GRHL2: variants seen among roughly 807,000 people sequenced by gnomAD.
GRHL2 encodes grainyhead like transcription factor 2, also known as grainyhead-like protein 2 homolog.
GRHL2 carries 21 observed loss-of-function variants against 83.8 expected under a neutral mutation model. That is an observed-to-expected ratio of 0.25 (90% CI 0.18 to 0.36). The LOEUF is 0.36. Among genes scored for constraint, GRHL2 ranks in the 10% least tolerant of loss-of-function variants. GRHL2 has a pLI of 1.00. For missense variants in GRHL2, 623 were observed against 781.8 expected, an observed-to-expected ratio of 0.80 and a Z score of 2.42; for synonymous variants, 280 against 278.9, an observed-to-expected ratio of 1.00 and a Z score of -0.04.
chr8:101,536,518 T>G (rs1279509084), intron 1 of GRHL2, among the ~76,000 whole-genome samples: 3 of 152,226 alleles, frequency 2.0e-5, no homozygotes, highest in Admixed American at 2.0e-4. Context: ...GGGATACTTC[T>G]CCATTTTATA....
intron 1 of GRHL2, among the ~76,000 whole-genome samples, chr8:101,540,876 C>T (rs770514274): frequency 5.9e-4 from 89 of 151,624 alleles, no homozygotes; most frequent in African/African-American, 1.6e-3. Context: ...TTTTTGGTTA[C>T]GTGGATGCAT....
chr8:101,602,441 T>A (rs1053497798), intron 8 of GRHL2, among the ~76,000 whole-genome samples: 6 of 152,052 alleles, frequency 3.9e-5, no homozygotes, highest in South Asian at 2.1e-4. Context: ...CAGTATCACA[T>A]GATATTTTGG....
At chr8:101,673,913 C>A (rs1372844997), downstream of GRHL2, among the ~76,000 whole-genome samples, 3 of 152,138 alleles carry the variant, frequency 2.0e-5, no homozygotes, top group Non-Finnish European at 4.4e-5. Context: ...TCATTCAAAA[C>A]CGCTTGACTA....
At chr8:101,620,728 C>T (rs1664566330) in intron 9 of GRHL2, among the ~76,000 whole-genome samples, 1 of 152,096 alleles carries the variant, frequency 6.6e-6, no homozygotes, top group Admixed American at 6.6e-5. Context: ...AGGAAACCTA[C>T]AAAGTTTTCC....
chr8:101,574,304 C>T (rs569228138), intron 6 of GRHL2, among the ~76,000 whole-genome samples: 3 of 152,246 alleles, frequency 2.0e-5, no homozygotes, highest in Admixed American at 6.5e-5. Context: ...AGGCACGATC[C>T]CCACCAGGAG....
chr8:101,613,537 T>C (rs1812794920), intron 8 of GRHL2, among the ~76,000 whole-genome samples: 1 of 150,930 alleles, frequency 6.6e-6, no homozygotes, highest in African/African-American at 2.5e-5. Context: ...AAATAGATGG[T>C]TACCCAAAGC....
At chr8:101,516,341 A>T (rs2509768) in intron 1 of GRHL2, among the ~76,000 whole-genome samples, 3,270 of 151,240 alleles carry the variant, frequency 0.022, 42 homozygotes, top group Middle Eastern at 0.034. Flanking sequence ...AAAAAATAGT[A>T]GTTTCCCCTA....
At chr8:101,530,060 T>C (rs551652991) in intron 1 of GRHL2, among the ~76,000 whole-genome samples, 5 of 152,310 alleles carry the variant, frequency 3.3e-5, no homozygotes, top group Non-Finnish European at 2.9e-5. Context: ...ACTAATGTTG[T>C]AGTTAGTTCC....
downstream of GRHL2, among the ~76,000 whole-genome samples, chr8:101,669,911 A>C (rs1252860738): frequency 2.0e-5 from 3 of 152,156 alleles, no homozygotes; most frequent in Non-Finnish European, 4.4e-5. Flanking sequence ...AAATGTGAAG[A>C]GGGCTGAAGA....
chr8:101,652,500 G>T (rs934288052), intron 14 of GRHL2, among the ~76,000 whole-genome samples: 11 of 36,286 alleles, frequency 3.0e-4, no homozygotes, highest in South Asian at 2.0e-3. Context: ...TGTGTGTGGT[G>T]TGTGTGTGTG....
intron 4 of GRHL2, among the ~76,000 whole-genome samples, chr8:101,560,770 A>G (rs988463847): frequency 2.0e-5 from 3 of 152,188 alleles, no homozygotes; most frequent in Non-Finnish European, 4.4e-5. Context: ...ACATCATTTC[A>G]TGTACTTATT....
chr8:101,644,282 G>A, intron 13 of GRHL2, 57 bp downstream of exon 13: 1 of 1,416,276 alleles, frequency 7.1e-7, no homozygotes, highest in Non-Finnish European at 9.8e-7. Flanking sequence ...TCTCTCCCAA[G>A]AAGAGCTTGC....
intron 1 of GRHL2, among the ~76,000 whole-genome samples, chr8:101,525,786 T>C (rs993298724): frequency 1.3e-5 from 2 of 152,122 alleles, no homozygotes; most frequent in African/African-American, 4.8e-5. Context: ...CTGGCCAACA[T>C]GGTAAAACCC....
At chr8:101,674,494 C>G (rs564299392), downstream of GRHL2, among the ~76,000 whole-genome samples, 8 of 152,212 alleles carry the variant, frequency 5.3e-5, no homozygotes, top group South Asian at 1.7e-3. Flanking sequence ...TACACCCTCC[C>G]AAGACTAAAC....
chr8:101,583,534 T>C (rs1218165079), intron 7 of GRHL2, among the ~76,000 whole-genome samples: 1 of 152,196 alleles, frequency 6.6e-6, no homozygotes, highest in Non-Finnish European at 1.5e-5. Context: ...GGCCAGGTAC[T>C]GAGTTCAGCC....
intron 1 of GRHL2, among the ~76,000 whole-genome samples, chr8:101,530,213 T>C (rs2127035): frequency 0.44 from 66,599 of 152,072 alleles, 15,495 homozygotes; most frequent in Non-Finnish European, 0.51. Context: ...ACTCTGGCTT[T>C]TCCTTTATTC....
downstream of GRHL2, among the ~76,000 whole-genome samples, chr8:101,670,225 T>TATC (rs1814182242): frequency 1.3e-5 from 2 of 152,202 alleles, no homozygotes; most frequent in African/African-American, 4.8e-5. Flanking sequence ...ACTATCCCAG[T>TATC]ATCTGCTGGG....
intron 13 of GRHL2, among the ~76,000 whole-genome samples, 163 bp downstream of exon 13, chr8:101,644,388 T>C (rs1350621011): frequency 1.3e-5 from 2 of 152,228 alleles, no homozygotes; most frequent in Non-Finnish European, 2.9e-5. Context: ...TTAAACTCTG[T>C]CCTTTCAACA....
chr8:101,532,137 G>A (rs971196848), intron 1 of GRHL2, among the ~76,000 whole-genome samples: 6 of 152,212 alleles, frequency 3.9e-5, no homozygotes, highest in Non-Finnish European at 8.8e-5. Context: ...ACTAAAAGGA[G>A]GGATATTGCT....
Sources: gnomAD v4.1 joint callset for allele counts (sites outside exome capture counted in the v4.1 genomes callset) on GRCh38, gnomAD v4.1.1 for gene constraint, MANE v1.5 for transcripts, NCBI Gene and HGNC (gene_info 2026-07-23, HGNC 2026-07-21) for gene names.